The following CACNG4 variants were observed in gnomAD, a reference collection of about 807,000 sequenced individuals.
The protein encoded by CACNG4 is voltage-dependent calcium channel gamma-4 subunit.
In CACNG4, 8 loss-of-function variants were observed where a neutral mutation model predicts 22.9. The ratio of observed to expected loss-of-function variants is 0.35; its 90% CI spans 0.21 to 0.63. CACNG4 has a LOEUF of 0.63. CACNG4 is among the 30% of genes least tolerant of loss of function. CACNG4 has a pLI of 0.72. For synonymous variants in CACNG4, 188 were observed against 191.9 expected (o/e 0.98, Z 0.17); for missense variants, 357 against 455.4 (o/e 0.78, Z 1.97).
chr17:67,025,900 G>A lies in CACNG4; in HGVS notation c.445+900G>A, dbSNP rs368225761. ...GCCGCCATTGGGGAGCCAAGGTGCC[G>A]GGCCCCGGTTCTACACCATTCCAGC... On this transcript the variant is annotated intron_variant, in intron 3 of 3. Coordinates refer to ENST00000262138, the MANE Select transcript of CACNG4 (RefSeq NM_014405.4). Among the ~76,000 whole-genome samples the A allele has an allele frequency of 5.9e-5, 9 of 151,316 alleles. No homozygotes were observed. In the East Asian group the frequency reaches 1.6e-3, roughly 26 times the overall value.
At chr17:66,966,206 G>C (rs1274749579) in intron 1 of CACNG4, among the ~76,000 whole-genome samples, 2 of 152,182 alleles carry the variant, frequency 1.3e-5, no homozygotes, top group Non-Finnish European at 2.9e-5. Flanking sequence ...CCCGGCTGCG[G>C]AACTTGAACT....
intron 1 of CACNG4, among the ~76,000 whole-genome samples, chr17:66,990,470 G>C (rs755035496): frequency 1.3e-5 from 2 of 152,226 alleles, no homozygotes; most frequent in African/African-American, 4.8e-5. Context: ...ACACAGCAGC[G>C]GGTGGGTATC....
At chr17:66,990,294 C>G (rs773767630) in intron 1 of CACNG4, among the ~76,000 whole-genome samples, 1 of 152,232 alleles carries the variant, frequency 6.6e-6, no homozygotes, top group African/African-American at 2.4e-5. Flanking sequence ...TGCCACGTGG[C>G]CCCCTTGGCA....
chr17:66,999,275 T>TTGGTGG (rs60713225), intron 1 of CACNG4, among the ~76,000 whole-genome samples: 6,260 of 151,022 alleles, frequency 0.041, 339 homozygotes, highest in African/African-American at 0.13. Flanking sequence ...GGCAGTAGAG[T>TTGGTGG]TGGTGGTGGT....
intron 1 of CACNG4, among the ~76,000 whole-genome samples, chr17:66,983,635 G>C (rs1243699709): frequency 6.6e-6 from 1 of 152,224 alleles, no homozygotes; most frequent in Non-Finnish European, 1.5e-5. Flanking sequence ...TCTGCTGTCA[G>C]ACTGAGGGCG....
intron 1 of CACNG4, among the ~76,000 whole-genome samples, chr17:66,969,540 C>G (rs1017379793): frequency 2.0e-5 from 3 of 152,276 alleles, no homozygotes; most frequent in Non-Finnish European, 2.9e-5. Flanking sequence ...GTCATGTTCA[C>G]GTGTCTCACC....
intron 1 of CACNG4, among the ~76,000 whole-genome samples, chr17:66,970,456 G>A (rs930565377): frequency 8.5e-5 from 13 of 152,152 alleles, no homozygotes; most frequent in Admixed American, 7.9e-4. Flanking sequence ...TTCCTGGCTT[G>A]CAGATGGCCG....
chr17:67,021,221 T>C (rs893490001), intron 2 of CACNG4, among the ~76,000 whole-genome samples: 1 of 150,750 alleles, frequency 6.6e-6, no homozygotes, highest in Non-Finnish European at 1.5e-5. Flanking sequence ...AAAAAGTTAT[T>C]GTGGGCCTGC....
chr17:66,969,186 A>G (rs2035189592), intron 1 of CACNG4, among the ~76,000 whole-genome samples: 1 of 152,074 alleles, frequency 6.6e-6, no homozygotes, highest in Non-Finnish European at 1.5e-5. Context: ...GGAAGGGAAG[A>G]GGAGACTCTG....
intron 1 of CACNG4, among the ~76,000 whole-genome samples, chr17:66,985,602 G>T (rs928899767): frequency 6.6e-6 from 1 of 152,296 alleles, no homozygotes; most frequent in African/African-American, 2.4e-5. Flanking sequence ...CCAGGCAGGG[G>T]AATATACAGA....
At chr17:67,002,983 G>T (rs2035417338) in intron 1 of CACNG4, among the ~76,000 whole-genome samples, 1 of 152,120 alleles carries the variant, frequency 6.6e-6, no homozygotes, top group Admixed American at 6.6e-5. Flanking sequence ...GGGGAGCTCT[G>T]CTTCTTTTGG....
At chr17:66,991,883 C>T (rs1179451221) in intron 1 of CACNG4, among the ~76,000 whole-genome samples, 1 of 152,182 alleles carries the variant, frequency 6.6e-6, no homozygotes, top group Non-Finnish European at 1.5e-5. Context: ...TTCACCACTT[C>T]AAAGGAGAGT....
chr17:67,018,075 G>T, intron 1 of CACNG4, 114 bp from the exon 2 acceptor site: 1 of 762,430 alleles, frequency 1.3e-6, no homozygotes, highest in Non-Finnish European at 2.3e-6. Flanking sequence ...TTTCTTCTCT[G>T]TCTGTCCCCA....
rs539663752 is a variant in CACNG4, at chr17:67,032,524, A to G, written c.*1520A>G. Reference sequence around the variant, plus strand: ...CTACCTGCTCACAGCCCATGGGTGGACTCGGCCCCCTGGGGTTCAGACCCA... The same window carrying G: ...CTACCTGCTCACAGCCCATGGGTGGGCTCGGCCCCCTGGGGTTCAGACCCA... On this transcript the variant is annotated 3_prime_UTR_variant, in exon 4 of 4. Coordinates refer to ENST00000262138, the MANE Select transcript of CACNG4 (RefSeq NM_014405.4). 167 of 159,570 alleles carry G rather than the reference A, an allele frequency of 1.0e-3. No homozygotes were observed. Among genetic ancestry groups the G allele is most frequent in the Admixed American group, 2.4e-3 (41 of 17,170 alleles). The allele number at this position is 159,570 out of a possible 1,614,324, so 9.9% of individuals were successfully genotyped here.
intron 2 of CACNG4, among the ~76,000 whole-genome samples, chr17:67,023,953 T>G (rs1300598552): frequency 6.6e-6 from 1 of 152,184 alleles, no homozygotes; most frequent in Non-Finnish European, 1.5e-5. Context: ...AGGCTGCAAT[T>G]CAACTCCCTA....
chr17:67,019,055 C>A (rs1422317001), intron 2 of CACNG4, among the ~76,000 whole-genome samples: 1 of 152,136 alleles, frequency 6.6e-6, no homozygotes, highest in African/African-American at 2.4e-5. Flanking sequence ...ATTTTGGAGT[C>A]ATTTTCCCCT....
rs931528556 is a variant in CACNG4 at position 67,033,236 on chromosome 17, G to C, written c.*2232G>C. 1 of 152,440 alleles carries C rather than the reference G, an allele frequency of 6.6e-6. No individual in the cohort carries two copies. Among genetic ancestry groups the C allele is most frequent in the South Asian group, 2.1e-4 (1 of 4,832 alleles). 9.4% of individuals were successfully genotyped at this position (152,440 alleles called of 1,614,324 possible). A position where few individuals can be genotyped will look rare whatever the true frequency, so the allele number is the denominator to read the frequency against. The stretch of plus-strand genomic sequence containing the variant: ...TCTCAGACCTGACACCCAACGGGGG[G>C]ATGTGGTGGCCTGTGCCCACCTTCT... On this transcript the variant is annotated 3_prime_UTR_variant, in exon 4 of 4. Transcript: ENST00000262138.
chr17:67,021,147 G>T (rs557805855), intron 2 of CACNG4, among the ~76,000 whole-genome samples: 1 of 152,062 alleles, frequency 6.6e-6, no homozygotes, highest in Admixed American at 6.5e-5. Flanking sequence ...GCTGCAGTGA[G>T]CCACGATCGT....
Position 67,031,305 on chromosome 17 carries a change from A to C in CACNG4, c.*301A>C. 1.7e-6 allele frequency: 1 copy of C among 592,320 alleles called. No individual in the cohort carries two copies. Among genetic ancestry groups the C allele is most frequent in the South Asian group, 1.5e-5 (1 of 65,740 alleles). 36.7% of individuals were successfully genotyped at this position (592,320 alleles called of 1,614,324 possible). On this transcript the variant is annotated 3_prime_UTR_variant, in exon 4 of 4. Transcript: ENST00000262138. The surrounding 1 kb of genome is among the most constrained non-coding windows in gnomAD (Gnocchi z 4.0). The stretch of plus-strand genomic sequence containing the variant: ...GCTTTCCTGAGGCTGCCTGGCCTTG[A>C]TCAACTTGGGAAGACAAAATTGAGC...
Sources: allele counts gnomAD v4.1 joint callset (sites outside exome capture counted in the v4.1 genomes callset), GRCh38; gene constraint gnomAD v4.1.1; non-coding constraint Gnocchi (gnomAD v3.1); transcripts MANE v1.5; gene names NCBI Gene and HGNC (gene_info 2026-07-23, HGNC 2026-07-21).